The following ADAMTS17 variants were observed in gnomAD, a reference collection of about 807,000 sequenced individuals.
ADAMTS17 encodes A disintegrin and metalloproteinase with thrombospondin motifs 17.
In ADAMTS17, 113 loss-of-function variants were observed where a neutral mutation model predicts 141.5. That is an observed-to-expected ratio of 0.80 (90% CI 0.69 to 0.93). The LOEUF is 0.93. ADAMTS17 is among the 40% of genes least tolerant of loss of function. The probability of loss-of-function intolerance (pLI) is 0.00; values close to 1 mark genes in which losing one functional copy is unlikely to be tolerated. For missense variants in ADAMTS17, 1,659 were observed against 1,517.9 expected, an observed-to-expected ratio of 1.09 and a Z score of -1.54; for synonymous variants, 768 against 630.6, an observed-to-expected ratio of 1.22 and a Z score of -3.27.
At chr15:100,159,820 G>A (rs149626885) in intron 8 of ADAMTS17, among the ~76,000 whole-genome samples, 27 of 152,320 alleles carry the variant, frequency 1.8e-4, no homozygotes, top group African/African-American at 6.3e-4. Context: ...TGGAAGCAAC[G>A]AGGCAAATGC....
chr15:100,095,309 T>C (rs148744218), intron 15 of ADAMTS17, among the ~76,000 whole-genome samples: 1 of 152,318 alleles, frequency 6.6e-6, no homozygotes, highest in Non-Finnish European at 1.5e-5. Context: ...CTGGTTTTGC[T>C]TTCACAGGGT....
rs750204044 is a variant in ADAMTS17, at chr15:99,973,843, C to T, written c.*559G>A. 46 of 186,788 alleles carry T rather than the reference C, an allele frequency of 2.5e-4. No individual in the cohort carries two copies. Among genetic ancestry groups the T allele is most frequent in the Middle Eastern group, 2.5e-3 (1 of 400 alleles). 11.6% of individuals were successfully genotyped at this position (186,788 alleles called of 1,614,324 possible). On this transcript the variant is annotated 3_prime_UTR_variant, in exon 22 of 22. Coordinates refer to ENST00000268070, the MANE Select transcript of ADAMTS17 (RefSeq NM_139057.4). The stretch of plus-strand genomic sequence containing the variant: ...GATTTAGAGACTATGTTCTCAGAGA[C>T]GGGCATGGAGGCAACGTCCTGGTTC...
intron 20 of ADAMTS17, among the ~76,000 whole-genome samples, chr15:99,981,545 G>C (rs2060482169): frequency 6.6e-6 from 1 of 152,200 alleles, no homozygotes; most frequent in Admixed American, 6.5e-5. Flanking sequence ...TGGGGTGTTT[G>C]CTTAACTGCC....
chr15:100,107,549 C>A (rs2036485288), intron 14 of ADAMTS17, among the ~76,000 whole-genome samples: 1 of 152,096 alleles, frequency 6.6e-6, no homozygotes, highest in Admixed American at 6.6e-5. Flanking sequence ...TCCTCAAATC[C>A]ACATGTTGAA....
chr15:100,010,016 T>C (rs1003616134), intron 18 of ADAMTS17, among the ~76,000 whole-genome samples: 4 of 152,130 alleles, frequency 2.6e-5, no homozygotes, highest in African/African-American at 9.7e-5. Context: ...TGAGGGTGGT[T>C]TTTTTCCCGT....
intron 8 of ADAMTS17, among the ~76,000 whole-genome samples, chr15:100,177,432 T>G (rs1409003268): frequency 1.3e-5 from 2 of 152,230 alleles, no homozygotes; most frequent in Non-Finnish European, 2.9e-5. Flanking sequence ...TATTTAATTT[T>G]CAAGTGTTCG....
In ADAMTS17 at chr15:99,973,552, G is replaced by A. The variant is rs886050964; in HGVS notation, c.*850C>T. On this transcript the variant is annotated 3_prime_UTR_variant, in exon 22 of 22. Transcript: ENST00000268070. Reference sequence around the variant, plus strand: ...GCGGGGCAGGTGCCCATCCGCCCCAGTGAAGCTGGCCCAAGCTTACCTTTG... The same window carrying A: ...GCGGGGCAGGTGCCCATCCGCCCCAATGAAGCTGGCCCAAGCTTACCTTTG... 6.6e-6 allele frequency: 1 copy of A among 152,394 alleles called. No individual in the cohort carries two copies. Among genetic ancestry groups the A allele is most frequent in the Admixed American group, 6.5e-5 (1 of 15,282 alleles). 9.4% of individuals were successfully genotyped at this position (152,394 alleles called of 1,614,324 possible).
In ADAMTS17 at chr15:100,116,974, T is replaced by C. The variant is rs772968043; in HGVS notation, c.1761A>G (p.Val587=). Residue 587 remains valine, a synonymous_variant, in exon 13 of 22, where the codon GTA becomes GTG. Coordinates refer to ENST00000268070, the MANE Select transcript of ADAMTS17 (RefSeq NM_139057.4). ...PGGTHCPGAS[V]EHAVCENLPC... ...GCAGGTTCTCGCAGACCGCATGTTC[T>C]ACACTGGCACCCGGGCAGTGTGTGC... The C allele has an allele frequency of 2.5e-6, 4 of 1,613,804 alleles. No homozygotes were observed. The South Asian group carries it at 3.3e-5, about 13-fold the overall frequency.
chr15:100,315,421 A>G (rs2045534343), intron 3 of ADAMTS17, among the ~76,000 whole-genome samples: 1 of 152,204 alleles, frequency 6.6e-6, no homozygotes, highest in South Asian at 2.1e-4. Flanking sequence ...GAGGGCAGGG[A>G]CATCTGTCTC....
rs2046359114 is a variant in ADAMTS17 at position 100,341,312 on chromosome 15, G to C, written c.177C>G (p.Pro59=). Residue 59 remains proline, a synonymous_variant, in exon 2 of 22, where the codon CCC becomes CCG. Transcript: ENST00000268070. The stretch of plus-strand genomic sequence containing the variant: ...GCGTGCGGGGGCGTCGCCGCCGTCG[G>C]GGCCCGGGGGCTGCGGGCAGCGGCG... ...HLPPLPAAPG[P]RRRRRPRTPP... 10 of 1,051,192 alleles carry C rather than the reference G, an allele frequency of 9.5e-6. No homozygotes were observed. Among genetic ancestry groups the C allele is most frequent in the Non-Finnish European group, 1.1e-5 (10 of 874,914 alleles). The allele number at this position is 1,051,192 out of a possible 1,614,324, so 65.1% of individuals were successfully genotyped here.
At chr15:100,118,206 A>G (rs1295954452) in intron 12 of ADAMTS17, among the ~76,000 whole-genome samples, 1 of 152,246 alleles carries the variant, frequency 6.6e-6, no homozygotes, top group Non-Finnish European at 1.5e-5. Flanking sequence ...ACTGTGGCAC[A>G]AAAGCAGCTA....
intron 7 of ADAMTS17, among the ~76,000 whole-genome samples, chr15:100,229,845 T>G (rs117217521): frequency 6.6e-6 from 1 of 152,296 alleles, no homozygotes; most frequent in Non-Finnish European, 1.5e-5. Context: ...GGAGCTCCAG[T>G]GAGCAGGTGG....
At chr15:100,281,120 A>G in intron 4 of ADAMTS17, 109 bp downstream of exon 4, 3 of 1,481,622 alleles carry the variant, frequency 2.0e-6, no homozygotes, top group Non-Finnish European at 2.7e-6. Context: ...CGTATCCCCA[A>G]CCCAGCGTCT....
At position 100,205,878 on chromosome 15, in the gene ADAMTS17, G is replaced by C. The variant is rs745604679; in HGVS notation, c.1076-6455C>G. On this transcript the variant is annotated intron_variant, in intron 7 of 21. Transcript: ENST00000268070. Reference sequence around the variant, plus strand: ...TCAGGGCCTGAAGGGTGGGCGCCGCGGTCTCTGAAAGACAGCTGTGCCAGG... The same window carrying C: ...TCAGGGCCTGAAGGGTGGGCGCCGCCGTCTCTGAAAGACAGCTGTGCCAGG... Among the ~76,000 whole-genome samples the C allele has an allele frequency of 1.7e-3, 263 of 152,256 alleles. 1 individual carries two copies. Among genetic ancestry groups the C allele is most frequent in the African/African-American group, 3.9e-3 (160 of 41,552 alleles).
At chr15:100,233,105 G>C (rs1169960946) in intron 7 of ADAMTS17, among the ~76,000 whole-genome samples, 1 of 152,170 alleles carries the variant, frequency 6.6e-6, no homozygotes, top group East Asian at 1.9e-4. Context: ...AAGGATGGTG[G>C]ATCACCTGAG....
At chr15:100,074,696 T>C (rs946334510) in intron 15 of ADAMTS17, among the ~76,000 whole-genome samples, 2 of 152,184 alleles carry the variant, frequency 1.3e-5, no homozygotes, top group Non-Finnish European at 2.9e-5. Context: ...GCTTCCTTTG[T>C]TGGATTCGGT....
rs1307837349 is a variant in ADAMTS17, at chr15:99,976,182, A to G, written c.2990T>C (p.Val997Ala). ...TCGKGLQSRV[V>A]QCMHKVTGRH... The stretch of plus-strand genomic sequence containing the variant: ...CCCTGTGACCTTGTGCATGCACTGC[A>G]CCACCCGGGACTGCAGGCCCTTCCC... The change falls in exon 21 of 22, where the codon GTG becomes GCG. Residue 997 changes from valine (V) to alanine (A), a missense_variant. By Grantham distance (64) the Val-to-Ala change is moderately conservative. Transcript: ENST00000268070. 6.5e-7 allele frequency: 1 copy of G among 1,549,662 alleles called. No homozygotes were observed. Among genetic ancestry groups the G allele is most frequent in the Non-Finnish European group, 8.7e-7 (1 of 1,146,990 alleles).
chr15:100,257,487 T>C (rs1453935697), intron 6 of ADAMTS17, among the ~76,000 whole-genome samples: 2 of 152,238 alleles, frequency 1.3e-5, no homozygotes, highest in Non-Finnish European at 2.9e-5. Context: ...TGATTGCTCA[T>C]GTAGCTTCAA....
At chr15:100,163,265 C>T (rs745467235) in intron 8 of ADAMTS17, among the ~76,000 whole-genome samples, 7 of 152,100 alleles carry the variant, frequency 4.6e-5, no homozygotes, top group African/African-American at 1.4e-4. Context: ...GAATGAAGCA[C>T]GGGAGATTCT....
Sources: allele counts gnomAD v4.1 joint callset (sites outside exome capture counted in the v4.1 genomes callset), GRCh38; gene constraint gnomAD v4.1.1; transcripts MANE v1.5; gene names NCBI Gene and HGNC (gene_info 2026-07-23, HGNC 2026-07-21).